The following ACYP2 variants were observed in gnomAD, a reference collection of about 807,000 sequenced individuals.
ACYP2 encodes acylphosphatase-2.
A neutral mutation model predicts 11.2 loss-of-function variants in ACYP2; 12 were observed. That is an observed-to-expected ratio of 1.08 (90% CI 0.69 to 1.74). The LOEUF (loss-of-function observed/expected upper bound fraction) is 1.74. Among genes scored for constraint, ACYP2 ranks in the 40% most tolerant of loss-of-function variants. ACYP2 has a pLI of 0.00. For missense variants in ACYP2, 134 were observed against 101.9 expected (o/e 1.31, Z -1.35); for synonymous variants, 43 against 32.2 (o/e 1.33, Z -1.13).
At position 54,165,584 on chromosome 2, in the gene ACYP2, C is replaced by G. The variant is rs542680717; in HGVS notation, c.404+26836C>G. On this transcript the variant is annotated intron_variant, in intron 6 of 6. Coordinates refer to ENST00000607452, the MANE Select transcript of ACYP2 (RefSeq NM_001320586.2). ...ACACACACACACACATTAGAGACAA[C>G]CAAAGTCTTCTAAGACTTGAGGCAA... Among the ~76,000 whole-genome samples, 28 of 146,866 alleles carry G rather than the reference C, an allele frequency of 1.9e-4. No individual in the cohort carries two copies. In the Middle Eastern group the frequency reaches 0.014, roughly 75 times the overall value.
chr2:54,195,860 C>T (rs993207734), intron 6 of ACYP2, among the ~76,000 whole-genome samples: 38 of 132,916 alleles, frequency 2.9e-4, no homozygotes, highest in East Asian at 4.7e-4. Flanking sequence ...TGCAATGGCG[C>T]GATCTTGGCT....
chr2:54,041,109 CTTTT>C (rs55975751), intron 2 of ACYP2, among the ~76,000 whole-genome samples: 2 of 149,514 alleles, frequency 1.3e-5, no homozygotes, highest in Non-Finnish European at 3.0e-5. Flanking sequence ...TTCTTTCTTT[CTTTT>C]TTTTTGTATT....
intron 4 of ACYP2, among the ~76,000 whole-genome samples, chr2:54,091,008 GTTGA>G (rs1678195377): frequency 6.6e-6 from 1 of 152,154 alleles, no homozygotes; most frequent in Non-Finnish European, 1.5e-5. Context: ...TGACATAATT[GTTGA>G]TTGATTTAAA....
At chr2:54,211,260 G>C (rs1685320572) in intron 6 of ACYP2, among the ~76,000 whole-genome samples, 1 of 152,164 alleles carries the variant, frequency 6.6e-6, no homozygotes, top group Non-Finnish European at 1.5e-5. Flanking sequence ...AATACTGTTA[G>C]AGTTTCCTGA....
chr2:54,189,372 A>G (rs1684141290), intron 6 of ACYP2, among the ~76,000 whole-genome samples: 1 of 151,998 alleles, frequency 6.6e-6, no homozygotes, highest in South Asian at 2.1e-4. Context: ...CTAACTTTGT[A>G]TATTTGACTT....
chr2:54,055,622 G>T (rs1012906685), intron 3 of ACYP2, among the ~76,000 whole-genome samples: 2 of 152,100 alleles, frequency 1.3e-5, no homozygotes, highest in South Asian at 2.1e-4. Context: ...TATTTAGGAC[G>T]TGATGGTGGA....
intron 2 of ACYP2, among the ~76,000 whole-genome samples, chr2:54,033,482 A>G (rs557102132): frequency 6.6e-6 from 1 of 152,154 alleles, no homozygotes; most frequent in South Asian, 2.1e-4. Context: ...CAGTGAATTA[A>G]GATTACAGGT....
chr2:54,074,907 T>C (rs959080759), intron 4 of ACYP2, among the ~76,000 whole-genome samples: 1 of 152,182 alleles, frequency 6.6e-6, no homozygotes, highest in Non-Finnish European at 1.5e-5. Context: ...AATCCACTGA[T>C]GTAAGTCGTA....
chr2:54,274,075 A>G (rs996943882), intron 6 of ACYP2, among the ~76,000 whole-genome samples: 28 of 152,296 alleles, frequency 1.8e-4, no homozygotes, highest in African/African-American at 5.3e-4. Context: ...AGACTGAGCA[A>G]TTTACAAAAG....
At chr2:54,258,200 C>G (rs866545494) in intron 6 of ACYP2, among the ~76,000 whole-genome samples, 31 of 151,514 alleles carry the variant, frequency 2.0e-4, no homozygotes, top group African/African-American at 7.0e-4. Flanking sequence ...AACAATAGAG[C>G]AAGGAGATTG....
chr2:54,294,514 A>G (rs1321508980), intron 6 of ACYP2, among the ~76,000 whole-genome samples: 1 of 152,162 alleles, frequency 6.6e-6, no homozygotes, highest in Non-Finnish European at 1.5e-5. Context: ...GAGTGCACAC[A>G]TATGCCCCCA....
chr2:54,024,179 C>G (rs567023259), intron 2 of ACYP2, among the ~76,000 whole-genome samples: 1 of 152,224 alleles, frequency 6.6e-6, no homozygotes, highest in African/African-American at 2.4e-5. Context: ...TCCTAGCTAA[C>G]ATGGCAAAAC....
intron 6 of ACYP2, chr2:54,222,975 T>A (rs931792804): frequency 6.6e-6 from 1 of 152,224 alleles, no homozygotes; most frequent in African/African-American, 2.4e-5. Flanking sequence ...CCTTTTCATA[T>A]TCTTTACTCT....
At chr2:53,971,386 TACGTACCC>T (rs1339897836) in intron 1 of ACYP2, 1 of 152,290 alleles carries the variant, frequency 6.6e-6, no homozygotes, top group African/African-American at 2.4e-5. Flanking sequence ...TGGAAAAGCC[TACGTACCC>T]ACTTGCTCCT....
intron 2 of ACYP2, chr2:53,975,338 C>G (rs1173285045): frequency 5.0e-6 from 2 of 398,268 alleles, no homozygotes; most frequent in Non-Finnish European, 8.9e-6. Flanking sequence ...AATAAGGTCT[C>G]TTCCTCTTAT....
intron 2 of ACYP2, among the ~76,000 whole-genome samples, chr2:53,986,173 T>G (rs1321937089): frequency 6.6e-6 from 1 of 151,874 alleles, no homozygotes; most frequent in Non-Finnish European, 1.5e-5. Context: ...TAAAATAGCC[T>G]GGCACCTTCC....
intron 4 of ACYP2, among the ~76,000 whole-genome samples, chr2:54,133,078 A>G (rs1681009467): frequency 6.6e-6 from 1 of 152,120 alleles, no homozygotes; most frequent in Admixed American, 6.6e-5. Context: ...CAGTCATGTA[A>G]TCCTCACCAC....
intron 4 of ACYP2, among the ~76,000 whole-genome samples, chr2:54,097,045 AT>A (rs1003735829): frequency 1.3e-5 from 2 of 152,198 alleles, no homozygotes; most frequent in African/African-American, 4.8e-5. Context: ...TTTTTCAATT[AT>A]TTTTAGCAAA....
chr2:54,115,520 C>T, intron 4 of ACYP2, 95 bp from the exon 1 acceptor site: 1 of 1,472,070 alleles, frequency 6.8e-7, no homozygotes, highest in Non-Finnish European at 9.0e-7. Flanking sequence ...CCCTCGCTCC[C>T]AGGCCCCGCA....
Sources: allele counts gnomAD v4.1 joint callset (sites outside exome capture counted in the v4.1 genomes callset), GRCh38; gene constraint gnomAD v4.1.1; transcripts MANE v1.5; gene names NCBI Gene and HGNC (gene_info 2026-07-23, HGNC 2026-07-21).